PHLPP1: variants seen among roughly 807,000 people sequenced by gnomAD.
PHLPP1 encodes PH domain and leucine rich repeat protein phosphatase 1.
Under a neutral mutation model 117.2 loss-of-function variants are expected in PHLPP1, and 42 were observed. That is an observed-to-expected ratio of 0.36 (90% CI 0.28 to 0.46). PHLPP1 has a LOEUF of 0.46. Among genes scored for constraint, PHLPP1 ranks in the 20% least tolerant of loss-of-function variants. The pLI, the probability that PHLPP1 is intolerant of heterozygous loss-of-function variation, is 1.00. For missense variants in PHLPP1, 2,084 were observed against 2,241.9 expected (o/e 0.93, Z 1.42); for synonymous variants, 1,042 against 970.7 (o/e 1.07, Z -1.37).
chr18:62,839,786 T>C (rs1260766336), intron 3 of PHLPP1: 8 of 146,606 alleles, frequency 5.5e-5, no homozygotes, highest in Non-Finnish European at 1.0e-4. Flanking sequence ...TATTTTATAA[T>C]ATATATATAT....
At chr18:62,862,199 C>T (rs1050075149) in intron 4 of PHLPP1, among the ~76,000 whole-genome samples, 1 of 152,038 alleles carries the variant, frequency 6.6e-6, no homozygotes, top group Non-Finnish European at 1.5e-5. Flanking sequence ...CCCGCCTCAG[C>T]CTCTGAAGTA....
intron 3 of PHLPP1, among the ~76,000 whole-genome samples, chr18:62,850,540 G>C (rs892285276): frequency 6.6e-6 from 1 of 152,204 alleles, no homozygotes; most frequent in African/African-American, 2.4e-5. Context: ...GGGGAATGCT[G>C]CCATGACGTT....
intron 1 of PHLPP1, among the ~76,000 whole-genome samples, chr18:62,729,036 G>A (rs1046584623): frequency 2.0e-5 from 3 of 152,178 alleles, no homozygotes; most frequent in Non-Finnish European, 2.9e-5. Context: ...CCCATGGTAC[G>A]TTAGTGCTGT....
chr18:62,874,707 T>G (rs1425157924), intron 4 of PHLPP1, among the ~76,000 whole-genome samples: 1 of 151,954 alleles, frequency 6.6e-6, no homozygotes, highest in Non-Finnish European at 1.5e-5. Flanking sequence ...GCTCTCTGTC[T>G]CTCTCTGTCT....
chr18:62,920,184 G>T, intron 10 of PHLPP1, 70 bp downstream of exon 10: 2 of 1,366,460 alleles, frequency 1.5e-6, no homozygotes, highest in South Asian at 2.5e-5. Flanking sequence ...TGTCTTTCGT[G>T]ACCTGAGACT....
intron 3 of PHLPP1, among the ~76,000 whole-genome samples, chr18:62,844,610 C>T (rs1915134586): frequency 6.6e-6 from 1 of 152,218 alleles, no homozygotes; most frequent in African/African-American, 2.4e-5. Flanking sequence ...CATTATTTCG[C>T]TCACAACTAT....
intron 3 of PHLPP1, among the ~76,000 whole-genome samples, chr18:62,858,672 C>T (rs940628790): frequency 6.6e-6 from 1 of 152,124 alleles, no homozygotes; most frequent in Non-Finnish European, 1.5e-5. Context: ...TGGCTCATGC[C>T]TGTAATCCAG....
intron 9 of PHLPP1, among the ~76,000 whole-genome samples, chr18:62,917,197 T>C: frequency 8.6e-6 from 1 of 116,864 alleles, no homozygotes; most frequent in South Asian, 2.4e-4. Flanking sequence ...TACATTAACA[T>C]ATTATATATT....
intron 1 of PHLPP1, among the ~76,000 whole-genome samples, chr18:62,758,572 A>G (rs561419938): frequency 1.3e-5 from 2 of 152,388 alleles, no homozygotes; most frequent in African/African-American, 2.4e-5. Flanking sequence ...GCTAAAGTAA[A>G]GAGCCTCTGA....
At chr18:62,851,407 A>G (rs1166059365) in intron 3 of PHLPP1, among the ~76,000 whole-genome samples, 1 of 152,178 alleles carries the variant, frequency 6.6e-6, no homozygotes, top group Admixed American at 6.5e-5. Context: ...TTTTAAAATC[A>G]TAGATCCTAC....
At chr18:62,830,275 CTG>C in intron 2 of PHLPP1, 44 bp downstream of exon 2, 1 of 1,492,244 alleles carries the variant, frequency 6.7e-7, no homozygotes, top group Non-Finnish European at 9.1e-7. Flanking sequence ...GAGTCTCACT[CTG>C]TCACCCAGGC....
intron 14 of PHLPP1, among the ~76,000 whole-genome samples, chr18:62,965,335 A>G (rs1458138750): frequency 6.6e-6 from 1 of 151,486 alleles, no homozygotes; most frequent in Non-Finnish European, 1.5e-5. Flanking sequence ...CTCAATAGAC[A>G]TCTATTCTCT....
intron 4 of PHLPP1, among the ~76,000 whole-genome samples, chr18:62,874,656 C>T (rs12454470): frequency 0.1 from 6,677 of 63,786 alleles, 316 homozygotes; most frequent in East Asian, 0.35. Flanking sequence ...CACGCACGCG[C>T]GCACACACAC....
Position 62,717,401 on chromosome 18 carries a change from A to T in PHLPP1, c.1576+142A>T, listed in dbSNP as rs1310859158. The T allele has an allele frequency of 2.6e-6, 3 of 1,153,748 alleles. No homozygotes were observed. In the East Asian group the frequency reaches 7.9e-5, roughly 30 times the overall value. 71.5% of individuals were successfully genotyped at this position (1,153,748 alleles called of 1,614,324 possible). Reference sequence around the variant, plus strand: ...TTGTCTTAAACTTTACAGCTTTTTCATACAGTCTGTGTAGTACTAGATTGA... The same window carrying T: ...TTGTCTTAAACTTTACAGCTTTTTCTTACAGTCTGTGTAGTACTAGATTGA... On this transcript the variant is annotated intron_variant, in intron 1 of 16. Coordinates refer to ENST00000262719, the MANE Select transcript of PHLPP1 (RefSeq NM_194449.4).
At chr18:62,788,313 G>C (rs1005143023) in intron 1 of PHLPP1, among the ~76,000 whole-genome samples, 1 of 152,152 alleles carries the variant, frequency 6.6e-6, no homozygotes, top group Non-Finnish European at 1.5e-5. Context: ...GCAGGGACTA[G>C]AATGGTGGGA....
intron 10 of PHLPP1, among the ~76,000 whole-genome samples, chr18:62,935,032 G>A (rs971131399): frequency 6.6e-6 from 1 of 152,102 alleles, no homozygotes; most frequent in Non-Finnish European, 1.5e-5. Context: ...TATTAGCCAG[G>A]TAATTAGACA....
At chr18:62,966,409 AAG>A (rs887584067) in intron 14 of PHLPP1, among the ~76,000 whole-genome samples, 6 of 151,438 alleles carry the variant, frequency 4.0e-5, no homozygotes, top group African/African-American at 1.5e-4. Context: ...TTATATATGT[AAG>A]AGGTATAATC....
At chr18:62,729,485 T>G (rs1351273633) in intron 1 of PHLPP1, among the ~76,000 whole-genome samples, 5 of 152,030 alleles carry the variant, frequency 3.3e-5, no homozygotes, top group Admixed American at 2.6e-4. Context: ...TCACTTGAGG[T>G]CAGGAGTTCG....
intron 1 of PHLPP1, among the ~76,000 whole-genome samples, chr18:62,721,305 A>G (rs1031544232): frequency 6.6e-6 from 1 of 152,164 alleles, no homozygotes; most frequent in African/African-American, 2.4e-5. Context: ...GATATGAATT[A>G]AAGTTTACGT....
Sources: allele counts gnomAD v4.1 joint callset (sites outside exome capture counted in the v4.1 genomes callset), GRCh38; gene constraint gnomAD v4.1.1; transcripts MANE v1.5; gene names NCBI Gene and HGNC (gene_info 2026-07-23, HGNC 2026-07-21).